The following USP32 variants were observed in gnomAD, a reference collection of about 807,000 sequenced individuals.
The protein encoded by USP32 is ubiquitin specific peptidase 32, also known as ubiquitin carboxyl-terminal hydrolase 32.
In USP32, 59 loss-of-function variants were observed where a neutral mutation model predicts 204.8. The observed-to-expected ratio is 0.29, with a 90% CI of 0.23 to 0.36. The LOEUF (loss-of-function observed/expected upper bound fraction) is 0.36, where lower values mean the gene tolerates loss of function less well. Among genes scored for constraint, USP32 ranks in the 10% least tolerant of loss-of-function variants. USP32 has a pLI of 1.00. For synonymous variants in USP32, 517 were observed against 678.4 expected, an observed-to-expected ratio of 0.76 and a Z score of 3.70; for missense variants, 1,160 against 1,946.4, an observed-to-expected ratio of 0.60 and a Z score of 7.60.
intron 1 of USP32, among the ~76,000 whole-genome samples, chr17:60,399,903 C>G (rs184703541): frequency 2.9e-4 from 44 of 152,206 alleles, no homozygotes; most frequent in African/African-American, 7.5e-4. Context: ...ATCCTCTTTA[C>G]AGACTTTGGC....
chr17:60,278,891 T>A (rs1218355924), intron 5 of USP32, among the ~76,000 whole-genome samples: 2 of 152,190 alleles, frequency 1.3e-5, no homozygotes, highest in African/African-American at 4.8e-5. Flanking sequence ...TAAAACTAAT[T>A]ACATTTTAAC....
chr17:60,237,868 T>C (rs1175152750), intron 11 of USP32, among the ~76,000 whole-genome samples: 3 of 152,224 alleles, frequency 2.0e-5, no homozygotes, highest in East Asian at 3.8e-4. Flanking sequence ...CTTTTGGCTA[T>C]TGTGAACAGT....
Position 60,219,765 on chromosome 17 carries a change from T to C in USP32, c.1772A>G (p.Asp591Gly), listed in dbSNP as rs772860070. ...PRPVIKNSKTDIPELELFPRY... is the reference protein window; with the variant it reads ...PRPVIKNSKTGIPELELFPRY... ...GGGAAATAATTCCAGCTCTGGGATG[T>C]CTGTCTTGCTGTTCTTGATAACCTA... Residue 591 changes from aspartate (D) to glycine (G), a missense_variant, in exon 16 of 34, where the codon GAC becomes GGC. By Grantham distance (94) the Asp-to-Gly change is moderately conservative. Around this residue, in one of 8 missense-constraint regions of USP32, gnomAD observed 37 missense variants for 62.6 expected, o/e 0.59. Coordinates refer to ENST00000300896, the MANE Select transcript of USP32 (RefSeq NM_032582.4). The C allele has an allele frequency of 1.2e-5, 20 of 1,612,648 alleles. No individual in the cohort carries two copies. The highest frequency in any genetic ancestry group is 1.7e-6 in the Non-Finnish European group (2 of 1,179,466).
chr17:60,358,414 A>C (rs1216128262), intron 1 of USP32, among the ~76,000 whole-genome samples: 1 of 151,920 alleles, frequency 6.6e-6, no homozygotes, highest in Non-Finnish European at 1.5e-5. Flanking sequence ...ATCTCTACCA[A>C]AAATACAAAA....
chr17:60,363,532 T>G (rs779880087), intron 1 of USP32, among the ~76,000 whole-genome samples: 1 of 150,728 alleles, frequency 6.6e-6, no homozygotes, highest in Non-Finnish European at 1.5e-5. Flanking sequence ...AAAAAAAAAT[T>G]TGAGACAGGG....
chr17:60,229,535 A>G (rs913412036), intron 12 of USP32, among the ~76,000 whole-genome samples: 4 of 152,216 alleles, frequency 2.6e-5, no homozygotes, highest in Non-Finnish European at 5.9e-5. Flanking sequence ...AAGAAGATTT[A>G]GATTTATTTA....
chr17:60,354,132 G>A (rs1463272003), intron 1 of USP32, among the ~76,000 whole-genome samples: 2 of 151,970 alleles, frequency 1.3e-5, no homozygotes, highest in African/African-American at 4.8e-5. Flanking sequence ...CTCATTACAT[G>A]GTATAAAATA....
rs2085383563 is a variant in USP32, at chr17:60,226,203, G to A, written c.1268C>T (p.Ser423Leu). ...GTATTTTCCTCCATTCAAAACAGAT[G>A]ATGGCTCAATTACCACAGGGTTGGC... ...YDANPVVIEP[S>L]SVLNGGKYSF... The change falls in exon 13 of 34, where the codon TCA (serine) becomes TTA (leucine). Residue 423 changes from serine (S) to leucine (L), a missense_variant. Physicochemically the swap from Ser to Leu is moderately radical, Grantham distance 145. This residue lies in a region of USP32 where 536 missense variants were observed against 680.9 expected (regional missense o/e 0.79). Transcript: ENST00000300896. 6.4e-7 allele frequency: 1 copy of A among 1,559,526 alleles called. No individual in the cohort carries two copies. The highest frequency in any genetic ancestry group is 1.2e-5 in the South Asian group (1 of 80,070).
Position 60,222,332 on chromosome 17 carries a change from A to T in USP32, c.1749+77T>A, listed in dbSNP as rs73322917. 8.6e-3 allele frequency: 13,098 copies of T among 1,516,064 alleles called. 962 individuals are homozygous for T. The African/African-American group carries it at 0.16, about 18-fold the overall frequency. 93.9% of individuals were successfully genotyped at this position (1,516,064 alleles called of 1,614,324 possible). A position where few individuals can be genotyped will look rare whatever the true frequency, so the allele number is the denominator to read the frequency against. On this transcript the variant is annotated intron_variant, in intron 15 of 33. Transcript: ENST00000300896. Reference sequence around the variant, plus strand: ...GGTAAGAGCTACTTTGTGGTTAGTGAGAGTCACATAGAAAAAGTAACAGAA... The same window carrying T: ...GGTAAGAGCTACTTTGTGGTTAGTGTGAGTCACATAGAAAAAGTAACAGAA...
At chr17:60,309,266 T>C (rs1380048992) in intron 2 of USP32, among the ~76,000 whole-genome samples, 1 of 151,974 alleles carries the variant, frequency 6.6e-6, no homozygotes, top group African/African-American at 2.4e-5. Context: ...TCAGACTGTA[T>C]AAGGAGCTCA....
chr17:60,309,194 G>C lies in USP32; in HGVS notation c.187-7490C>G, dbSNP rs2087797816. On this transcript the variant is annotated intron_variant, in intron 2 of 33. Coordinates refer to ENST00000300896, the MANE Select transcript of USP32 (RefSeq NM_032582.4). ...CAAAGGCAACAATCAATAAAATTAA[G>C]AGACAACCTGTAGAATGGGAGAAAA... Among the ~76,000 whole-genome samples, 4 of 152,106 alleles carry C rather than the reference G, an allele frequency of 2.6e-5. No individual in the cohort carries two copies. The South Asian group carries it at 8.3e-4, about 31-fold the overall frequency.
At chr17:60,376,070 G>A (rs2089534776) in intron 1 of USP32, among the ~76,000 whole-genome samples, 1 of 151,444 alleles carries the variant, frequency 6.6e-6, no homozygotes, top group Non-Finnish European at 1.5e-5. Context: ...TTAGAGACGG[G>A]GTCTCACTCC....
intron 1 of USP32, chr17:60,421,508 C>T: frequency 2.0e-6 from 2 of 985,464 alleles, no homozygotes; most frequent in Non-Finnish European, 2.4e-6. Context: ...GACAACTGGG[C>T]CCGGGCCCAG....
chr17:60,233,606 T>C (rs1307413307), intron 12 of USP32, among the ~76,000 whole-genome samples: 1 of 152,238 alleles, frequency 6.6e-6, no homozygotes, highest in African/African-American at 2.4e-5. Flanking sequence ...TTAAAAAGGT[T>C]ACTTGAATTC....
intron 2 of USP32, among the ~76,000 whole-genome samples, chr17:60,329,367 G>T (rs770351718): frequency 2.0e-5 from 3 of 151,064 alleles, no homozygotes; most frequent in Non-Finnish European, 4.4e-5. Context: ...CAGAATTGTT[G>T]ACTATTATAT....
chr17:60,359,937 G>A (rs866344993), intron 1 of USP32, among the ~76,000 whole-genome samples: 13 of 149,992 alleles, frequency 8.7e-5, no homozygotes, highest in Middle Eastern at 6.4e-3. Context: ...GCGCAGTCTC[G>A]GCTCACAGCA....
intron 1 of USP32, among the ~76,000 whole-genome samples, chr17:60,397,553 G>C (rs919736547): frequency 6.6e-6 from 1 of 152,016 alleles, no homozygotes; most frequent in African/African-American, 2.4e-5. Context: ...ATAGAGATGG[G>C]GTGTTGTTTT....
intron 1 of USP32, among the ~76,000 whole-genome samples, chr17:60,409,701 AAACT>A (rs1269727373): frequency 1.3e-5 from 2 of 152,218 alleles, no homozygotes; most frequent in Non-Finnish European, 2.9e-5. Flanking sequence ...AGCATAGGCC[AAACT>A]AACTATGGGA....
intron 16 of USP32, among the ~76,000 whole-genome samples, chr17:60,218,385 AAAAAAAT>A (rs1019963070): frequency 5.9e-5 from 9 of 152,104 alleles, no homozygotes; most frequent in African/African-American, 1.4e-4. Flanking sequence ...CTCCATCTCG[AAAAAAAT>A]AAAAAATAAA....
Sources: gnomAD v4.1 joint callset for allele counts (sites outside exome capture counted in the v4.1 genomes callset) on GRCh38, gnomAD v4.1.1 for gene constraint, gnomAD v4.1.1 regional missense constraint, MANE v1.5 for transcripts, NCBI Gene and HGNC (gene_info 2026-07-23, HGNC 2026-07-21) for gene names.